CSPP1: variants seen among roughly 807,000 people sequenced by gnomAD.
CSPP1 encodes centrosome and spindle pole associated protein 1.
CSPP1 carries 126 observed loss-of-function variants against 164.4 expected under a neutral mutation model. The observed-to-expected ratio is 0.77, with a 90% confidence interval of 0.66 to 0.89. CSPP1 has a LOEUF of 0.89. Among genes scored for constraint, CSPP1 ranks in the 40% least tolerant of loss-of-function variants. CSPP1 has a pLI of 0.00. For missense variants in CSPP1, 1,395 were observed against 1,449.8 expected, an observed-to-expected ratio of 0.96 and a Z score of 0.61; for synonymous variants, 472 against 476.7, an observed-to-expected ratio of 0.99 and a Z score of 0.13.
At chr8:67,147,556 G>A (rs367946007) in intron 17 of CSPP1, among the ~76,000 whole-genome samples, 11 of 151,650 alleles carry the variant, frequency 7.3e-5, no homozygotes, top group South Asian at 2.1e-4. Context: ...GTACCCCCGC[G>A]CCCCACCACC....
intron 3 of CSPP1, among the ~76,000 whole-genome samples, chr8:67,083,413 T>C (rs1180991468): frequency 6.6e-6 from 1 of 150,440 alleles, no homozygotes; most frequent in African/African-American, 2.4e-5. Context: ...GTGCCTGTAA[T>C]CCCAGCTACT....
intron 28 of CSPP1, among the ~76,000 whole-genome samples, chr8:67,189,769 A>G (rs951028207): frequency 6.6e-6 from 1 of 152,122 alleles, no homozygotes; most frequent in South Asian, 2.1e-4. Context: ...CATCCCCCCA[A>G]ATATATATAG....
At position 67,109,695 on chromosome 8, in the gene CSPP1, C is replaced by T. The variant is rs374759620; in HGVS notation, c.1094-2277C>T. On this transcript the variant is annotated intron_variant, in intron 9 of 30. Coordinates refer to ENST00000678616, the MANE Select transcript of CSPP1 (RefSeq NM_001382391.1). ...CTTAATGTAGCAGTTTCTCATTGTC[C>T]GAACTAGTACCCCAGGTTCTTTGTC... Among the ~76,000 whole-genome samples the T allele has an allele frequency of 6.5e-4, 99 of 152,006 alleles. 1 individual carries two copies. In the Middle Eastern group the frequency reaches 0.014, roughly 21 times the overall value.
At position 67,177,711 on chromosome 8, in the gene CSPP1, A is replaced by G; in HGVS notation, c.3141A>G (p.Val1047=). 1 of 1,612,072 alleles carries G rather than the reference A, an allele frequency of 6.2e-7. No individual in the cohort carries two copies. Among genetic ancestry groups the G allele is most frequent in the South Asian group, 1.1e-5 (1 of 90,870 alleles). ...TAGATGCCATCCCAAGTGCTAAAGTACGAGAGCAAAGAATGGTAAGCAACC... is the reference window on the plus strand; with the variant it reads ...TAGATGCCATCCCAAGTGCTAAAGTGCGAGAGCAAAGAATGGTAAGCAACC... ...VDLDAIPSAK[V]REQRMPRDDT... The change falls in exon 27 of 31, where the codon GTA becomes GTG. Residue 1047 remains valine, a synonymous_variant. Coordinates refer to ENST00000678616, the MANE Select transcript of CSPP1 (RefSeq NM_001382391.1).
intron 29 of CSPP1, among the ~76,000 whole-genome samples, chr8:67,192,089 T>TTGA (rs1836478142): frequency 6.6e-6 from 1 of 151,572 alleles, no homozygotes; most frequent in African/African-American, 2.4e-5. Flanking sequence ...TTTTTTTTTT[T>TTGA]TGATACAGAG....
chr8:67,123,636 G>A (rs1819447139), intron 15 of CSPP1, among the ~76,000 whole-genome samples: 1 of 147,478 alleles, frequency 6.8e-6, no homozygotes, highest in Non-Finnish European at 1.5e-5. Context: ...AAGAGATAGG[G>A]TCTCATTCTC....
At chr8:67,177,752 A>C (rs1278756966) in intron 27 of CSPP1, 26 bp downstream of exon 27, 1 of 1,582,338 alleles carries the variant, frequency 6.3e-7, no homozygotes, top group Admixed American at 1.7e-5. Flanking sequence ...CAATTTTTCA[A>C]GTTAGTTTTT....
chr8:67,149,510 T>C (rs181941921), intron 17 of CSPP1, among the ~76,000 whole-genome samples: 3 of 152,372 alleles, frequency 2.0e-5, no homozygotes, highest in Non-Finnish European at 1.5e-5. Flanking sequence ...TGAAGTAACA[T>C]AGATACTGTT....
At chr8:67,094,220 AT>A (rs1563536210) in intron 6 of CSPP1, among the ~76,000 whole-genome samples, 1 of 142,546 alleles carries the variant, frequency 7.0e-6, no homozygotes, top group Non-Finnish European at 1.5e-5. Flanking sequence ...AATTTGAAAT[AT>A]TTTGAAGTAA....
At position 67,095,219 on chromosome 8, in the gene CSPP1, T is replaced by C. The variant is rs1240520141; in HGVS notation, c.484-74T>C. On this transcript the variant is annotated intron_variant, in intron 6 of 30. Transcript: ENST00000678616. The stretch of plus-strand genomic sequence containing the variant: ...GTTGAAATGATAGACTAAGTATAAA[T>C]TGAGGGTTTAATTACCTTATAAGAG... The C allele has an allele frequency of 8.8e-6, 7 of 798,320 alleles. No homozygotes were observed. The East Asian group carries it at 1.3e-4, about 15-fold the overall frequency. 49.5% of individuals were successfully genotyped at this position (798,320 alleles called of 1,614,324 possible). A position where few individuals can be genotyped will look rare whatever the true frequency, so the allele number is the denominator to read the frequency against.
chr8:67,178,545 AG>A (rs1832234505), intron 27 of CSPP1, among the ~76,000 whole-genome samples: 2 of 152,284 alleles, frequency 1.3e-5, no homozygotes, highest in South Asian at 4.1e-4. Context: ...GGTGCTGTGG[AG>A]AAGACAACAG....
At chr8:67,190,480 T>A (rs1835908393) in intron 28 of CSPP1, among the ~76,000 whole-genome samples, 170 bp from the exon 29 acceptor site, 1 of 152,206 alleles carries the variant, frequency 6.6e-6, no homozygotes, top group Non-Finnish European at 1.5e-5. Context: ...GTGATGATTG[T>A]ACAACTCTGT....
At chr8:67,082,004 T>C (rs1409617937) in intron 3 of CSPP1, among the ~76,000 whole-genome samples, 9 of 152,208 alleles carry the variant, frequency 5.9e-5, no homozygotes. Context: ...GGCTCCTAAG[T>C]AGTTGAGACT....
chr8:67,192,124 T>C (rs1222430218), intron 29 of CSPP1, among the ~76,000 whole-genome samples: 1 of 151,226 alleles, frequency 6.6e-6, no homozygotes, highest in Admixed American at 6.6e-5. Flanking sequence ...CTAGGCTGGA[T>C]TGCAGTGGCG....
intron 17 of CSPP1, 96 bp from the exon 18 acceptor site, chr8:67,149,687 T>G (rs1825314610): frequency 4.8e-6 from 4 of 838,014 alleles, no homozygotes; most frequent in Non-Finnish European, 6.9e-6. Context: ...TGTCCTATTG[T>G]TTTTCTTTCT....
rs774501418 is a variant in CSPP1, at chr8:67,190,718, G to A, written c.3289G>A (p.Ala1097Thr). Residue 1097 changes from alanine to threonine, a missense_variant, in exon 29 of 31, where the codon GCA becomes ACA. By Grantham distance (58) the Ala-to-Thr change is moderately conservative (BLOSUM62 0). Coordinates refer to ENST00000678616, the MANE Select transcript of CSPP1 (RefSeq NM_001382391.1). The stretch of plus-strand genomic sequence containing the variant: ...CCCTCCACCATCACAGTTGCCCTCT[G>A]CACGGGAGCGCAGGAGGAACAAATG... ...VLPPPSQLPS[A>T]RERRRNKWKG... 5.0e-6 allele frequency: 8 copies of A among 1,614,018 alleles called. No homozygotes were observed. Among genetic ancestry groups the A allele is most frequent in the Non-Finnish European group, 4.2e-6 (5 of 1,179,904 alleles).
At chr8:67,094,683 C>T (rs1812363550) in intron 6 of CSPP1, among the ~76,000 whole-genome samples, 1 of 152,044 alleles carries the variant, frequency 6.6e-6, no homozygotes, top group South Asian at 2.1e-4. Flanking sequence ...CTGGCCTCCA[C>T]CTAGAATTTT....
intron 12 of CSPP1, 78 bp from the exon 13 acceptor site, chr8:67,115,836 T>C (rs1014378802): frequency 6.1e-6 from 6 of 985,376 alleles, no homozygotes; most frequent in Admixed American, 5.5e-5. Flanking sequence ...CCTGCTGGGA[T>C]AGGAGGTCTT....
At chr8:67,172,659 T>A in intron 25 of CSPP1, 104 bp downstream of exon 25, 2 of 964,330 alleles carry the variant, frequency 2.1e-6, no homozygotes, top group Non-Finnish European at 2.9e-6. Context: ...GAATTTTATC[T>A]ATGGTATGTA....
Sources: allele counts gnomAD v4.1 joint callset (sites outside exome capture counted in the v4.1 genomes callset), GRCh38; gene constraint gnomAD v4.1.1; transcripts MANE v1.5; gene names NCBI Gene and HGNC (gene_info 2026-07-23, HGNC 2026-07-21).